The following STK31 variants were observed in gnomAD, a reference collection of about 807,000 sequenced individuals.
The protein encoded by STK31 is serine/threonine kinase 31.
Under a neutral mutation model 129.7 loss-of-function variants are expected in STK31, and 89 were observed. The observed-to-expected ratio is 0.69, with a 90% CI of 0.58 to 0.82. The LOEUF (loss-of-function observed/expected upper bound fraction) is 0.82. Among genes scored for constraint, STK31 ranks in the 40% least tolerant of loss-of-function variants. STK31 has a pLI of 0.00. For synonymous variants in STK31, 448 were observed against 395.3 expected (o/e 1.13, Z -1.58); for missense variants, 1,187 against 1,176.4 (o/e 1.01, Z -0.13).
intron 22 of STK31, among the ~76,000 whole-genome samples, chr7:23,797,348 T>C (rs540349592): frequency 1.2e-4 from 19 of 152,098 alleles, no homozygotes; most frequent in Non-Finnish European, 2.5e-4. Flanking sequence ...ATTCAGAAAT[T>C]GACCACATTA....
At position 23,717,522 on chromosome 7, in the gene STK31, ACTGT is replaced by A; in HGVS notation, c.196_199del (p.Ser66LysfsTer35). On this transcript the variant is annotated frameshift_variant, in exon 4 of 24. Coordinates refer to ENST00000355870, the MANE Select transcript of STK31 (RefSeq NM_031414.5). LOFTEE classifies it high-confidence loss of function. ...AGGATATCATGAAGATTGGTTGCTC[ACTGT>A]CTGAAGTTTGCCCCCAGGCCAGTTC... The A allele has an allele frequency of 6.2e-7, 1 of 1,613,272 alleles. No individual in the cohort carries two copies. The highest frequency in any genetic ancestry group is 2.2e-5 in the East Asian group (1 of 44,810).
chr7:23,771,386 A>G lies in STK31; in HGVS notation c.1833+262A>G, dbSNP rs972366490. ...ATGAGTCTACTGTAGATAATTTGCT[A>G]TATACAGAAAGATAAGAAATAAAAC... On this transcript the variant is annotated intron_variant, in intron 14 of 23. Coordinates refer to ENST00000355870, the MANE Select transcript of STK31 (RefSeq NM_031414.5). 6 of 234,222 alleles carry G rather than the reference A, an allele frequency of 2.6e-5. No individual in the cohort carries two copies. In the East Asian group the frequency reaches 4.5e-4, roughly 17 times the overall value. The allele number at this position is 234,222 out of a possible 1,614,324, so 14.5% of individuals were successfully genotyped here.
rs1760190705 is a variant in STK31, at chr7:23,783,626, C to T, written c.2111C>T (p.Pro704Leu). The change falls in exon 17 of 24, where the codon CCT becomes CTT. Residue 704 changes from proline to leucine, a missense_variant. Around this residue, in one of 5 missense-constraint regions of STK31, gnomAD observed 975 missense variants for 934.9 expected, o/e 1.04. Coordinates refer to ENST00000355870, the MANE Select transcript of STK31 (RefSeq NM_031414.5). ...GCACAGAAATGGTTCCCTGAGCTGC[C>T]TCTGCTTCATCCTGAAATAGGATTA... is the stretch of plus-strand genomic sequence containing the variant. The part of the protein sequence containing the change: ...SLAQKWFPEL[P>L]LLHPEIGLLK... The T allele has an allele frequency of 2.5e-6, 4 of 1,611,988 alleles. No individual in the cohort carries two copies. The highest frequency in any genetic ancestry group is 1.3e-5 in the African/African-American group (1 of 74,954).
At chr7:23,805,516 G>T (rs1473987768) in intron 22 of STK31, among the ~76,000 whole-genome samples, 1 of 151,870 alleles carries the variant, frequency 6.6e-6, no homozygotes, top group African/African-American at 2.4e-5. Context: ...ATGGAGTTTT[G>T]CTCTGTCACC....
intron 22 of STK31, among the ~76,000 whole-genome samples, chr7:23,804,722 C>T (rs533831710): frequency 6.6e-6 from 1 of 152,332 alleles, no homozygotes; most frequent in African/African-American, 2.4e-5. Flanking sequence ...ATTTCAGTCA[C>T]TTCCCCAAAC....
At chr7:23,737,860 A>AGT (rs67303802) in intron 8 of STK31, among the ~76,000 whole-genome samples, 1,534 of 149,252 alleles carry the variant, frequency 0.01, 27 homozygotes, top group African/African-American at 0.032. Context: ...GTGGTTGATA[A>AGT]GTGTGTGTGT....
chr7:23,766,023 ATTC>A, intron 11 of STK31, among the ~76,000 whole-genome samples: 1 of 152,164 alleles, frequency 6.6e-6, no homozygotes, highest in Non-Finnish European at 1.5e-5. Context: ...TTATTTTTCC[ATTC>A]TTATTTCATA....
intron 8 of STK31, among the ~76,000 whole-genome samples, chr7:23,737,579 T>A (rs1787790340): frequency 6.6e-6 from 1 of 152,236 alleles, no homozygotes; most frequent in Non-Finnish European, 1.5e-5. Flanking sequence ...TTCCTTAATA[T>A]TATTTATATC....
chr7:23,734,730 C>T (rs950745819), intron 6 of STK31, among the ~76,000 whole-genome samples: 6 of 152,026 alleles, frequency 3.9e-5, no homozygotes, highest in African/African-American at 7.2e-5. Flanking sequence ...TTTGGGAGGC[C>T]GAGGTGGGCG....
chr7:23,766,204 A>G (rs1196567224), intron 11 of STK31, among the ~76,000 whole-genome samples: 1 of 152,210 alleles, frequency 6.6e-6, no homozygotes, highest in African/African-American at 2.4e-5. Flanking sequence ...AGCAAGTTCA[A>G]AGGCCATGTT....
At chr7:23,730,879 T>TATATATATATATATATATATA (rs1491380351) in intron 6 of STK31, among the ~76,000 whole-genome samples, 9 of 39,304 alleles carry the variant, frequency 2.3e-4, no homozygotes, top group East Asian at 1.3e-3. Flanking sequence ...TATATATATA[T>TATATATATATATATATATATA]TTTTTTTTTT....
At chr7:23,815,055 CACCAGG>C in intron 22 of STK31, 83 bp from the exon 23 acceptor site, 1 of 897,838 alleles carries the variant, frequency 1.1e-6, no homozygotes, top group Non-Finnish European at 1.6e-6. Flanking sequence ...CTTTTCTAGT[CACCAGG>C]ATCTGAAGTT....
intron 23 of STK31, among the ~76,000 whole-genome samples, chr7:23,830,899 C>T (rs73273220): frequency 0.021 from 3,190 of 152,250 alleles, 137 homozygotes; most frequent in African/African-American, 0.072. Flanking sequence ...GGATTATAGG[C>T]ATGAGCCACC....
chr7:23,759,701 A>G (rs1345374006), intron 10 of STK31, among the ~76,000 whole-genome samples: 2 of 152,236 alleles, frequency 1.3e-5, no homozygotes, highest in Non-Finnish European at 2.9e-5. Context: ...GTAATGTGAT[A>G]AAATATTTCA....
At chr7:23,799,643 A>G (rs1792235615) in intron 22 of STK31, among the ~76,000 whole-genome samples, 1 of 152,246 alleles carries the variant, frequency 6.6e-6, no homozygotes, top group Admixed American at 6.5e-5. Context: ...GCCCTAGAAG[A>G]AAACCTAGGT....
chr7:23,784,472 A>G (rs1486449559), intron 17 of STK31, among the ~76,000 whole-genome samples: 2 of 152,212 alleles, frequency 1.3e-5, no homozygotes. Context: ...TACCTTATGC[A>G]GTGTGGGCAA....
chr7:23,713,909 T>A (rs1157782046), intron 3 of STK31, among the ~76,000 whole-genome samples: 2 of 152,168 alleles, frequency 1.3e-5, no homozygotes, highest in Non-Finnish European at 2.9e-5. Flanking sequence ...ATAGTTATTT[T>A]CATTACCAAG....
At chr7:23,727,386 A>T in intron 5 of STK31, 71 bp downstream of exon 5, 1 of 1,370,078 alleles carries the variant, frequency 7.3e-7, no homozygotes, top group South Asian at 1.2e-5. Context: ...TTTGATGCTT[A>T]TTTAGCCCTT....
chr7:23,713,792 A>G (rs1786123239), intron 3 of STK31, among the ~76,000 whole-genome samples: 1 of 152,124 alleles, frequency 6.6e-6, no homozygotes, highest in South Asian at 2.1e-4. Flanking sequence ...TACCTTCAGA[A>G]GGACTTGAGG....
Sources: allele counts gnomAD v4.1 joint callset (sites outside exome capture counted in the v4.1 genomes callset), GRCh38; gene constraint gnomAD v4.1.1; regional missense constraint gnomAD v4.1.1; transcripts MANE v1.5; gene names NCBI Gene and HGNC (gene_info 2026-07-23, HGNC 2026-07-21).